Variants in RBFOX1 observed in about 807,000 individuals in gnomAD.
RBFOX1 encodes the protein RNA binding protein fox-1 homolog 1.
A neutral mutation model predicts 57.7 loss-of-function variants in RBFOX1; 8 were observed. That is an observed-to-expected ratio of 0.14 (90% CI 0.08 to 0.25). RBFOX1 has a LOEUF of 0.25. Ranked by LOEUF, RBFOX1 falls within the 10% of genes least tolerant of loss-of-function variation. The pLI, the probability that RBFOX1 is intolerant of heterozygous loss-of-function variation, is 1.00. For synonymous variants in RBFOX1, 326 were observed against 222.4 expected (o/e 1.47, Z -4.15); for missense variants, 611 against 548.5 (o/e 1.11, Z -1.14).
chr16:6,001,213 A>G (rs957881053), intron 4 of RBFOX1, among the ~76,000 whole-genome samples: 4 of 152,228 alleles, frequency 2.6e-5, no homozygotes, highest in African/African-American at 4.8e-5. Flanking sequence ...TTTGCCACAT[A>G]TTAGCCTGGA....
intron 1 of RBFOX1, among the ~76,000 whole-genome samples, chr16:6,160,899 C>T (rs982751084): frequency 6.6e-5 from 10 of 152,184 alleles, no homozygotes; most frequent in South Asian, 4.1e-4. Flanking sequence ...TTGCCCTCAT[C>T]GCTCTCCGCA....
chr16:5,481,312 C>T (rs989100757), intron 2 of RBFOX1, among the ~76,000 whole-genome samples: 1 of 152,016 alleles, frequency 6.6e-6, no homozygotes, highest in Non-Finnish European at 1.5e-5. Context: ...TGACCTATTT[C>T]CTTGGAATTT....
At chr16:6,365,161 T>G (rs2089345053) in intron 2 of RBFOX1, among the ~76,000 whole-genome samples, 1 of 152,198 alleles carries the variant, frequency 6.6e-6, no homozygotes, top group African/African-American at 2.4e-5. Context: ...GAATAGCAGC[T>G]ATAAATCTGT....
chr16:6,783,281 TTTG>T (rs761756626), intron 3 of RBFOX1, among the ~76,000 whole-genome samples: 20 of 151,884 alleles, frequency 1.3e-4, no homozygotes, highest in Non-Finnish European at 2.1e-4. Context: ...TTAGTTGTTT[TTTG>T]TTGTTGTTGT....
chr16:5,860,601 G>C (rs1321062727), intron 3 of RBFOX1, among the ~76,000 whole-genome samples: 1 of 152,170 alleles, frequency 6.6e-6, no homozygotes, highest in African/African-American at 2.4e-5. Flanking sequence ...TGCCTGCAGA[G>C]ATAAGCTATG....
intron 4 of RBFOX1, among the ~76,000 whole-genome samples, chr16:7,095,116 T>TTTC (rs2061487342): frequency 1.3e-5 from 2 of 152,006 alleles, no homozygotes; most frequent in African/African-American, 2.4e-5. Context: ...TTCTTTCTTT[T>TTTC]TTCTTTTTCT....
chr16:5,849,278 C>A lies in RBFOX1; in HGVS notation c.319-18025C>A, dbSNP rs116828985. Among the ~76,000 whole-genome samples the A allele has an allele frequency of 4.2e-3, 639 of 152,210 alleles. 3 individuals carry two copies. The highest frequency in any genetic ancestry group is 0.015 in the African/African-American group (615 of 41,532). ...GGACGATGGAGTGCCCTGATTTTAGCAGTCATGTGGATTTGGGAAATGGCA... is the reference window on the plus strand; with the variant it reads ...GGACGATGGAGTGCCCTGATTTTAGAAGTCATGTGGATTTGGGAAATGGCA... On this transcript the variant is annotated intron_variant, in intron 3 of 19. Transcript: ENST00000641259.
At chr16:7,367,935 A>G (rs969333374) in intron 4 of RBFOX1, among the ~76,000 whole-genome samples, 2 of 151,924 alleles carry the variant, frequency 1.3e-5, no homozygotes, top group African/African-American at 4.8e-5. Context: ...ATGATCAAAC[A>G]CATCATTAGC....
At chr16:7,120,875 C>G (rs1469246650) in intron 4 of RBFOX1, among the ~76,000 whole-genome samples, 1 of 71,664 alleles carries the variant, frequency 1.4e-5, no homozygotes, top group Non-Finnish European at 3.2e-5. Flanking sequence ...AAACATATAT[C>G]ATGGAATACA....
At chr16:6,809,241 C>G (rs1289098888) in intron 3 of RBFOX1, among the ~76,000 whole-genome samples, 1 of 152,124 alleles carries the variant, frequency 6.6e-6, no homozygotes, top group East Asian at 1.9e-4. Context: ...TCATGTGATT[C>G]TGGGGGCTGC....
intron 2 of RBFOX1, among the ~76,000 whole-genome samples, chr16:6,533,764 ACTCGAAAGC>A (rs1487113038): frequency 6.6e-6 from 1 of 152,056 alleles, no homozygotes; most frequent in Non-Finnish European, 1.5e-5. Context: ...AAAAGCAAAC[ACTCGAAAGC>A]CCCTGGAAGG....
chr16:6,807,085 C>T (rs1192730057), intron 3 of RBFOX1, among the ~76,000 whole-genome samples: 1 of 151,742 alleles, frequency 6.6e-6, no homozygotes, highest in East Asian at 1.9e-4. Flanking sequence ...ATGCCTGCTT[C>T]AGCCTCCCAA....
At chr16:5,458,082 G>A (rs1465199400) in intron 1 of RBFOX1, among the ~76,000 whole-genome samples, 1 of 152,076 alleles carries the variant, frequency 6.6e-6, no homozygotes, top group Non-Finnish European at 1.5e-5. Context: ...GATCATTTGT[G>A]TAAATCATTA....
intron 4 of RBFOX1, among the ~76,000 whole-genome samples, chr16:5,984,974 ATAT>A (rs1184759818): frequency 2.6e-3 from 149 of 56,242 alleles, no homozygotes; most frequent in Middle Eastern, 0.019. Flanking sequence ...ATATATATAT[ATAT>A]TTTTTTTTTT....
At chr16:6,708,131 C>G (rs1177774698) in intron 3 of RBFOX1, among the ~76,000 whole-genome samples, 1 of 152,148 alleles carries the variant, frequency 6.6e-6, no homozygotes, top group South Asian at 2.1e-4. Context: ...CCCACAGACA[C>G]CTGGCTTGGG....
intron 3 of RBFOX1, among the ~76,000 whole-genome samples, chr16:6,687,970 C>T (rs903058017): frequency 1.3e-5 from 2 of 152,200 alleles, no homozygotes; most frequent in African/African-American, 2.4e-5. Flanking sequence ...ATGACACATG[C>T]TAACAAAACC....
intron 1 of RBFOX1, among the ~76,000 whole-genome samples, chr16:6,200,394 G>T (rs918107945): frequency 6.6e-6 from 1 of 152,070 alleles, no homozygotes; most frequent in Non-Finnish European, 1.5e-5. Flanking sequence ...GAGAGAGAGA[G>T]AGAGAGAAAG....
chr16:5,550,321 G>C (rs1465155567), intron 2 of RBFOX1, among the ~76,000 whole-genome samples: 1 of 152,136 alleles, frequency 6.6e-6, no homozygotes, highest in Non-Finnish European at 1.5e-5. Context: ...GTGAATCCAT[G>C]TTTCCCTGTC....
At chr16:7,540,266 C>A (rs1049472226) in intron 5 of RBFOX1, among the ~76,000 whole-genome samples, 3 of 152,108 alleles carry the variant, frequency 2.0e-5, no homozygotes, top group Admixed American at 6.5e-5. Flanking sequence ...CTGGAAACTC[C>A]TTGGTCTCTG....
Sources: allele counts gnomAD v4.1 joint callset (sites outside exome capture counted in the v4.1 genomes callset), GRCh38; gene constraint gnomAD v4.1.1; transcripts MANE v1.5; gene names NCBI Gene and HGNC (gene_info 2026-07-23, HGNC 2026-07-21).